Variants in RELN observed in about 807,000 individuals in gnomAD.
The protein encoded by RELN is reelin.
RELN carries 108 observed loss-of-function variants against 427.6 expected under a neutral mutation model. The ratio of observed to expected loss-of-function variants is 0.25; its 90% CI spans 0.22 to 0.30. The LOEUF is 0.30. RELN is among the 10% of genes least tolerant of loss of function. The pLI, the probability that RELN is intolerant of heterozygous loss-of-function variation, is 1.00. For missense variants in RELN, 3,715 were observed against 4,302.8 expected (o/e 0.86, Z 3.82); for synonymous variants, 1,524 against 1,513.4 (o/e 1.01, Z -0.16).
At chr7:103,856,250 TAGAC>T (rs1311404095) in intron 2 of RELN, among the ~76,000 whole-genome samples, 3 of 151,986 alleles carry the variant, frequency 2.0e-5, no homozygotes, top group Non-Finnish European at 4.4e-5. Flanking sequence ...ACTGGAAGAA[TAGAC>T]AGCAGCAGTG....
intron 50 of RELN, 131 bp downstream of exon 50, chr7:103,515,054 G>T: frequency 8.9e-7 from 1 of 1,127,262 alleles, no homozygotes. Flanking sequence ...ACAAAAGGAT[G>T]ACACCCTTTT....
chr7:103,640,745 T>C lies in RELN; in HGVS notation c.2003-136A>G, dbSNP rs1832679805. The C allele has an allele frequency of 2.4e-6, 2 of 822,984 alleles. No homozygotes were observed. The highest frequency in any genetic ancestry group is 4.0e-5 in the Admixed American group (2 of 49,880). 51.0% of individuals were successfully genotyped at this position (822,984 alleles called of 1,614,324 possible). ...GAACCCAGGGTGACATATGGAATGC[T>C]GTGTAATAAGGTAAGTGCTTAGTTA... On this transcript the variant is annotated intron_variant, in intron 16 of 64. Coordinates refer to ENST00000428762, the MANE Select transcript of RELN (RefSeq NM_005045.4). This position sits in a 1 kb window ranked among gnomAD's most constrained non-coding sequence, Gnocchi z 4.1.
At chr7:103,654,355 A>T in intron 12 of RELN, 150 bp from the exon 13 acceptor site, 1 of 638,324 alleles carries the variant, frequency 1.6e-6, no homozygotes, top group Non-Finnish European at 2.8e-6. Context: ...ACTCAAGGAA[A>T]TAATTTATAA....
At chr7:103,821,571 C>T (rs977451635) in intron 3 of RELN, among the ~76,000 whole-genome samples, 2 of 152,090 alleles carry the variant, frequency 1.3e-5, no homozygotes, top group Non-Finnish European at 2.9e-5. Context: ...TAGCTTTTAT[C>T]CTCAAAGTGA....
At chr7:103,743,115 C>A (rs1463102530) in intron 6 of RELN, among the ~76,000 whole-genome samples, 1 of 151,224 alleles carries the variant, frequency 6.6e-6, no homozygotes, top group Non-Finnish European at 1.5e-5. Flanking sequence ...ATTCAACATT[C>A]TTAAAGAAAA....
intron 6 of RELN, among the ~76,000 whole-genome samples, chr7:103,735,948 T>C (rs937597574): frequency 1.3e-5 from 2 of 152,218 alleles, no homozygotes; most frequent in Non-Finnish European, 2.9e-5. Context: ...TTCTGATTAC[T>C]TAAAGTTCTT....
rs533738382 is a variant in RELN at position 103,828,285 on chromosome 7, T to C, written c.473+5252A>G. On this transcript the variant is annotated intron_variant, in intron 3 of 64. Coordinates refer to ENST00000428762, the MANE Select transcript of RELN (RefSeq NM_005045.4). ...CAGGTGTTCAGAAACTGCTAGTGTCTGCAATTTTTAAAATGATTTTTTTTG... is the reference window on the plus strand; with the variant it reads ...CAGGTGTTCAGAAACTGCTAGTGTCCGCAATTTTTAAAATGATTTTTTTTG... Among the ~76,000 whole-genome samples the C allele has an allele frequency of 1.5e-4, 23 of 152,118 alleles. No individual in the cohort carries two copies. The South Asian group carries it at 4.4e-3, about 29-fold the overall frequency.
chr7:103,743,836 C>T (rs1234736537), intron 6 of RELN, among the ~76,000 whole-genome samples: 2 of 151,988 alleles, frequency 1.3e-5, no homozygotes, highest in Admixed American at 6.6e-5. Flanking sequence ...ACCCCACTGT[C>T]AACATTAGAC....
At chr7:103,749,354 CT>C in intron 6 of RELN, 71 bp downstream of exon 6, 1 of 1,153,404 alleles carries the variant, frequency 8.7e-7, no homozygotes, top group East Asian at 2.3e-5. Flanking sequence ...TAAGTAACTG[CT>C]CCTTAAAGGA....
intron 3 of RELN, among the ~76,000 whole-genome samples, chr7:103,832,853 T>C (rs1454557088): frequency 6.6e-6 from 1 of 152,136 alleles, no homozygotes; most frequent in Non-Finnish European, 1.5e-5. Flanking sequence ...GCCAGAAAGC[T>C]CAAAGCTAAA....
intron 10 of RELN, among the ~76,000 whole-genome samples, chr7:103,685,430 A>G (rs887000809): frequency 1.1e-4 from 17 of 152,244 alleles, no homozygotes; most frequent in African/African-American, 4.1e-4. Context: ...ATGAAAATCT[A>G]CTAGGTTTTC....
Position 103,635,444 on chromosome 7 carries a change from G to T in RELN, c.2446C>A (p.Leu816Ile). ...TWKLLEHYSY[L>I]SYHEPRIISV... is the part of the protein sequence containing the mutation. ...ACATACCTGGGCTCATGATAGCTGAGATATGAATAATGCTCCAGGAGTTTC... is the reference window on the plus strand; with the variant it reads ...ACATACCTGGGCTCATGATAGCTGATATATGAATAATGCTCCAGGAGTTTC... The change falls in exon 19 of 65, where the codon CTC (leucine) becomes ATC (isoleucine). Residue 816 changes from leucine to isoleucine, a missense_variant. Leu to Ile is a conservative substitution (Grantham distance 5, BLOSUM62 2). This residue lies in a region of RELN where 2,208 missense variants were observed against 2,361.7 expected (regional missense o/e 0.93). Coordinates refer to ENST00000428762, the MANE Select transcript of RELN (RefSeq NM_005045.4). 6.2e-7 allele frequency: 1 copy of T among 1,613,894 alleles called. No homozygotes were observed. Among genetic ancestry groups the T allele is most frequent in the East Asian group, 2.2e-5 (1 of 44,834 alleles).
intron 20 of RELN, among the ~76,000 whole-genome samples, chr7:103,621,313 T>C (rs1050035415): frequency 6.6e-6 from 1 of 152,252 alleles, no homozygotes; most frequent in African/African-American, 2.4e-5. Context: ...ATTTTATGAA[T>C]ATTAAATTTA....
chr7:103,786,216 TTA>T (rs2116250205), intron 3 of RELN, among the ~76,000 whole-genome samples: 1 of 152,106 alleles, frequency 6.6e-6, no homozygotes, highest in African/African-American at 2.4e-5. Flanking sequence ...GAAAATAAAA[TTA>T]GTCATATTCA....
chr7:103,989,564 AGCGCGGGACCGGGGCTGCGGGC>A lies in RELN; in HGVS notation c.-230_-209del. 3 of 428,516 alleles carry A rather than the reference AGCGCGGGACCGGGGCTGCGGGC, an allele frequency of 7.0e-6. 1 individual carries two copies. Among genetic ancestry groups the A allele is most frequent in the East Asian group, 8.3e-5 (2 of 23,966 alleles). 26.5% of individuals were successfully genotyped at this position (428,516 alleles called of 1,614,324 possible). A position where few individuals can be genotyped will look rare whatever the true frequency, so the allele number is the denominator to read the frequency against. On this transcript the variant is annotated 5_prime_UTR_variant, in exon 1 of 65. Coordinates refer to ENST00000428762, the MANE Select transcript of RELN (RefSeq NM_005045.4). The surrounding 1 kb of genome is among the most constrained non-coding windows in gnomAD (Gnocchi z 4.9). ...TCCCAAAGTTACTTTGGGCCGCGGG[AGCGCGGGACCGGGGCTGCGGGC>A]GCCGAGAGCGCGTCGTCTGCCGCCT...
Position 103,589,646 on chromosome 7 carries a change from A to G in RELN, c.4095T>C (p.Phe1365=), listed in dbSNP as rs1831363453. The part of the protein sequence containing the change: ...SEPTMYHTGD[F]EEWTRITIVI... ...CAATGGTGATTCTTGTCCATTCTTC[A>G]AAGTCCCCTGTGTGATACATGGTGG... is the stretch of plus-strand genomic sequence containing the variant. The change falls in exon 28 of 65, where the codon TTT becomes TTC. Residue 1365 remains phenylalanine, a synonymous_variant. Coordinates refer to ENST00000428762, the MANE Select transcript of RELN (RefSeq NM_005045.4). The G allele has an allele frequency of 6.2e-7, 1 of 1,614,084 alleles. No homozygotes were observed. Among genetic ancestry groups the G allele is most frequent in the Non-Finnish European group, 8.5e-7 (1 of 1,179,964 alleles).
chr7:103,845,626 C>T (rs773755279), intron 2 of RELN, among the ~76,000 whole-genome samples: 16 of 152,262 alleles, frequency 1.1e-4, no homozygotes, highest in African/African-American at 1.9e-4. Context: ...AGACATTCTC[C>T]TAATTTTCCC....
chr7:103,762,296 A>G (rs1227254267), intron 4 of RELN, among the ~76,000 whole-genome samples: 7 of 152,206 alleles, frequency 4.6e-5, no homozygotes, highest in Admixed American at 1.3e-4. Context: ...TGCCAGCCCT[A>G]GACCATCTAT....
At chr7:103,487,363 C>T (rs904214517) in intron 60 of RELN, among the ~76,000 whole-genome samples, 1 of 147,834 alleles carries the variant, frequency 6.8e-6, no homozygotes, top group Non-Finnish European at 1.5e-5. Context: ...ATGTAACAAA[C>T]CTGCATGTTC....
Sources: allele counts gnomAD v4.1 joint callset (sites outside exome capture counted in the v4.1 genomes callset), GRCh38; gene constraint gnomAD v4.1.1; regional missense constraint gnomAD v4.1.1; non-coding constraint Gnocchi (gnomAD v3.1); transcripts MANE v1.5; gene names NCBI Gene and HGNC (gene_info 2026-07-23, HGNC 2026-07-21).